The following NCOR2 variants were observed in gnomAD, a reference collection of about 807,000 sequenced individuals.
NCOR2 encodes the protein nuclear receptor corepressor 2.
Under a neutral mutation model 262.9 loss-of-function variants are expected in NCOR2, and 81 were observed. That is an observed-to-expected ratio of 0.31 (90% CI 0.26 to 0.37). The LOEUF (loss-of-function observed/expected upper bound fraction) is 0.37. Ranked by LOEUF, NCOR2 falls within the 10% of genes least tolerant of loss-of-function variation. The probability of loss-of-function intolerance (pLI) is 1.00; values close to 1 mark genes in which losing one functional copy is unlikely to be tolerated. For synonymous variants in NCOR2, 1,659 were observed against 1,559.3 expected (o/e 1.06, Z -1.51); for missense variants, 3,385 against 3,621.4 (o/e 0.93, Z 1.68).
At chr12:124,372,171 C>T (rs1446055609) in exon 20 of NCOR2, 8 of 1,601,360 alleles carry the variant, frequency 5.0e-6, no homozygotes, top group African/African-American at 1.3e-5. Context: ...CCCCCTCGGC[C>T]GTGGCCTCAG....
chr12:124,544,111 G>A (rs1054558494), intron 1 of NCOR2, among the ~76,000 whole-genome samples: 1 of 152,154 alleles, frequency 6.6e-6, no homozygotes, highest in Admixed American at 6.5e-5. Context: ...GAGCCCCAGC[G>A]GGGAGGGAGA....
chr12:124,340,391 C>T, exon 36 of NCOR2: 1 of 1,613,142 alleles, frequency 6.2e-7, no homozygotes, highest in Non-Finnish European at 8.5e-7. Flanking sequence ...CCCGGTCTCG[C>T]TCCCGCTCGG....
At chr12:124,425,906 G>C (rs1193607717) in intron 11 of NCOR2, among the ~76,000 whole-genome samples, 1 of 152,160 alleles carries the variant, frequency 6.6e-6, no homozygotes, top group East Asian at 1.9e-4. Context: ...TGTCATAAGG[G>C]ACAGGAGGGG....
At chr12:124,473,093 G>T in exon 4 of NCOR2, 1 of 1,614,072 alleles carries the variant, frequency 6.2e-7, no homozygotes, top group Non-Finnish European at 8.5e-7. Context: ...GGGGGCTGGG[G>T]GGAGACACCG....
chr12:124,542,767 C>A lies in NCOR2; in HGVS notation c.-164-7156G>T, dbSNP rs148554134. 1,381 of 152,472 alleles carry A rather than the reference C, an allele frequency of 9.1e-3. 17 individuals are homozygous for A. Among genetic ancestry groups the A allele is most frequent in the Non-Finnish European group, 0.015 (1,052 of 68,142 alleles). 9.4% of individuals were successfully genotyped at this position (152,472 alleles called of 1,614,324 possible). On this transcript the variant is annotated intron_variant, in intron 1 of 32. Transcript: ENST00000458234. ...GCCGGCCGGGGTCCACCGGATACAT[C>A]TTCCCACACGGGGTGAACAAGGAGC...
intron 1 of NCOR2, among the ~76,000 whole-genome samples, chr12:124,489,063 G>A (rs2047934690): frequency 1.3e-5 from 2 of 152,024 alleles, no homozygotes; most frequent in Non-Finnish European, 2.9e-5. Context: ...GGTCACCAGG[G>A]TTGAGCCCAG....
At chr12:124,558,324 C>T (rs2051953550) in intron 1 of NCOR2, among the ~76,000 whole-genome samples, 1 of 111,874 alleles carries the variant, frequency 8.9e-6, no homozygotes, top group Non-Finnish European at 1.8e-5. Flanking sequence ...TTGTGGGGAG[C>T]GAGCCAAGGG....
Position 124,340,527 on chromosome 12 carries a change from G to C in NCOR2, c.5338+75C>G. 1.9e-6 allele frequency: 3 copies of C among 1,549,170 alleles called. No individual in the cohort carries two copies. In the South Asian group the frequency reaches 3.6e-5, roughly 19 times the overall value. Reference sequence around the variant, plus strand: ...CTTCTGGGGTGGGAAAGAGAGCAGGGCTTCTGCCCGCCCATCCCCCAGCCG... The same window carrying C: ...CTTCTGGGGTGGGAAAGAGAGCAGGCCTTCTGCCCGCCCATCCCCCAGCCG... On this transcript the variant is annotated intron_variant, in intron 35 of 46. Coordinates refer to ENST00000405201, the Ensembl canonical transcript of NCOR2.
At chr12:124,372,732 C>G (rs867015617) in intron 19 of NCOR2, 122 bp from the exon 22 acceptor site, 3 of 819,652 alleles carry the variant, frequency 3.7e-6, no homozygotes, top group Non-Finnish European at 3.8e-6. Context: ...AGCCCCGAGG[C>G]TCCTACACAC....
intron 15 of NCOR2, among the ~76,000 whole-genome samples, chr12:124,399,867 A>AT: frequency 6.6e-6 from 1 of 151,962 alleles, no homozygotes; most frequent in Non-Finnish European, 1.5e-5. Context: ...ACATCATCTC[A>AT]TTTTTTTCTA....
rs1237824840 is a variant in NCOR2, at chr12:124,454,392, C to G, written c.762+2714G>C. Among the ~76,000 whole-genome samples, 1 of 152,150 alleles carries G rather than the reference C, an allele frequency of 6.6e-6. No homozygotes were observed. The highest frequency in any genetic ancestry group is 1.9e-4 in the East Asian group (1 of 5,204). ...CTGAGATCCCCAAGTGGAAGACAAC[C>G]CCGTCCCCTTGTCTCCAAAGAACCA... On this transcript the variant is annotated intron_variant, in intron 6 of 46. Coordinates refer to ENST00000405201, the Ensembl canonical transcript of NCOR2. The surrounding 1 kb of genome is among the most constrained non-coding windows in gnomAD (Gnocchi z 5.6).
At chr12:124,434,460 T>C (rs1283703291) in intron 8 of NCOR2, among the ~76,000 whole-genome samples, 1 of 152,096 alleles carries the variant, frequency 6.6e-6, no homozygotes. Context: ...TGCCTGCCTC[T>C]TCTCTAGCTT....
chr12:124,445,534 G>C (rs2045104252), intron 7 of NCOR2, among the ~76,000 whole-genome samples: 1 of 152,210 alleles, frequency 6.6e-6, no homozygotes, highest in Non-Finnish European at 1.5e-5. Context: ...AGAAATTAAA[G>C]TGACGGGGCA....
intron 17 of NCOR2, among the ~76,000 whole-genome samples, chr12:124,379,490 C>G (rs12318852): frequency 2.0e-5 from 3 of 152,186 alleles, no homozygotes; most frequent in Admixed American, 2.0e-4. Context: ...GCAGGGGCAT[C>G]GTGGAGGCAG....
Position 124,325,526 on chromosome 12 carries a change from G to A in NCOR2, c.7421C>T (p.Ala2474Val), listed in dbSNP as rs367615636. The change falls in exon 47 of 47, where the codon GCT becomes GTT. Residue 2474 changes from alanine to valine, a missense_variant. Around this residue, in one of 5 missense-constraint regions of NCOR2, gnomAD observed 1,017 missense variants for 967.2 expected, o/e 1.05. Transcript: ENST00000405201. ...GGGGAGGCCCGGTGGGGGTGGGGAA[G>A]CCATGACACCCGCCTGCAGCCGCAT... is the stretch of plus-strand genomic sequence containing the variant. 11 of 1,353,164 alleles carry A rather than the reference G, an allele frequency of 8.1e-6. No homozygotes were observed. The East Asian group carries it at 2.9e-4, about 36-fold the overall frequency. 83.8% of individuals were successfully genotyped at this position (1,353,164 alleles called of 1,614,324 possible). A position where few individuals can be genotyped will look rare whatever the true frequency, so the allele number is the denominator to read the frequency against.
chr12:124,500,151 T>A (rs1223893144), upstream of NCOR2, among the ~76,000 whole-genome samples: 1 of 151,896 alleles, frequency 6.6e-6, no homozygotes. Flanking sequence ...GACTTGTAGA[T>A]CTCAGGTGGC....
intron 13 of NCOR2, among the ~76,000 whole-genome samples, chr12:124,416,916 G>A (rs1156233115): frequency 6.6e-6 from 1 of 152,206 alleles, no homozygotes; most frequent in Non-Finnish European, 1.5e-5. Context: ...GAAGCCACCT[G>A]TTTACAATGG....
In NCOR2 at chr12:124,372,622, G is replaced by A. The variant is rs765491149; in HGVS notation, c.2219-12C>T. On this transcript the variant is annotated splice_polypyrimidine_tract_variant and intron_variant, in intron 19 of 46. Transcript: ENST00000405201. ...GTTGTTGACAGTGGCTGTGCAGGGC[G>A]AGAAGGAAGAGGGGATGAGCAGGGT... The A allele has an allele frequency of 1.1e-5, 18 of 1,591,862 alleles. No homozygotes were observed. The highest frequency in any genetic ancestry group is 2.2e-5 in the East Asian group (1 of 44,824).
rs11057669 is a variant in NCOR2 at position 124,551,632 on chromosome 12, T to C, written c.-165+15676A>G. ...GCCTCTTTGCCCCCAAGACCCCACATAGTCTGTGACAAGCCAGTGGTCCTC... is the reference window on the plus strand; with the variant it reads ...GCCTCTTTGCCCCCAAGACCCCACACAGTCTGTGACAAGCCAGTGGTCCTC... On this transcript the variant is annotated intron_variant, in intron 1 of 32. Transcript: ENST00000458234. Among the ~76,000 whole-genome samples, 494 of 152,266 alleles carry C rather than the reference T, an allele frequency of 3.2e-3. 12 individuals carry two copies. The highest frequency in any genetic ancestry group is 0.03 in the East Asian group (158 of 5,182).
Sources: allele counts gnomAD v4.1 joint callset (sites outside exome capture counted in the v4.1 genomes callset), GRCh38; gene constraint gnomAD v4.1.1; regional missense constraint gnomAD v4.1.1; non-coding constraint Gnocchi (gnomAD v3.1); transcripts MANE v1.5; gene names NCBI Gene and HGNC (gene_info 2026-07-23, HGNC 2026-07-21).